The following IQGAP3 variants were observed in gnomAD, a reference collection of about 807,000 sequenced individuals.
IQGAP3 encodes ras GTPase-activating-like protein IQGAP3.
A neutral mutation model predicts 208.2 loss-of-function variants in IQGAP3; 165 were observed. That is an observed-to-expected ratio of 0.79 (90% confidence interval 0.70 to 0.90). The LOEUF (loss-of-function observed/expected upper bound fraction) is 0.90, where lower values mean the gene tolerates loss of function less well. Ranked by LOEUF, IQGAP3 falls within the 40% of genes least tolerant of loss-of-function variation. The pLI, the probability that IQGAP3 is intolerant of heterozygous loss-of-function variation, is 0.00. For synonymous variants in IQGAP3, 703 were observed against 803.6 expected, an observed-to-expected ratio of 0.87 and a Z score of 2.12; for missense variants, 1,811 against 2,043.1, an observed-to-expected ratio of 0.89 and a Z score of 2.19.
intron 22 of IQGAP3, among the ~76,000 whole-genome samples, chr1:156,542,139 T>C (rs1253408923): frequency 1.3e-5 from 2 of 152,206 alleles, no homozygotes; most frequent in Non-Finnish European, 2.9e-5. Flanking sequence ...AGTGACATGA[T>C]CACATGTACA....
intron 36 of IQGAP3, among the ~76,000 whole-genome samples, 189 bp downstream of exon 36, chr1:156,528,320 A>G (rs1674206548): frequency 6.6e-6 from 1 of 152,066 alleles, no homozygotes; most frequent in Non-Finnish European, 1.5e-5. Flanking sequence ...GGGCATCTAG[A>G]ACTGTGCTAG....
chr1:156,558,509 G>GC lies in IQGAP3; in HGVS notation c.1130-1817dup, dbSNP rs1371450384. Among the ~76,000 whole-genome samples, 3 of 6,472 alleles carry GC rather than the reference G, an allele frequency of 4.6e-4. 1 individual carries two copies. Among genetic ancestry groups the GC allele is most frequent in the African/African-American group, 5.1e-4 (3 of 5,870 alleles). The allele number at this position is 6,472 out of a possible 152,430, so 4.2% of individuals were successfully genotyped here. On this transcript the variant is annotated intron_variant, in intron 11 of 37. Transcript: ENST00000361170. ...GTCCGGGAGGGTGGTGGGGGGGTCA[G>GC]CCCCCCGCCCGGCCAGCCGCCCCAC... is the stretch of plus-strand genomic sequence containing the variant.
At chr1:156,569,910 C>T (rs1300597743) in intron 1 of IQGAP3, among the ~76,000 whole-genome samples, 1 of 152,164 alleles carries the variant, frequency 6.6e-6, no homozygotes, top group Non-Finnish European at 1.5e-5. Context: ...TCCCAGGATA[C>T]CCTTTAATAG....
intron 11 of IQGAP3, among the ~76,000 whole-genome samples, chr1:156,558,991 G>A (rs1249281056): frequency 5.9e-4 from 1 of 1,690 alleles, no homozygotes; most frequent in African/African-American, 6.2e-4. Flanking sequence ...ACTGCGGAAG[G>A]CCGCAGGGTC....
intron 15 of IQGAP3, 38 bp downstream of exon 15, chr1:156,551,667 C>T: frequency 6.3e-7 from 1 of 1,579,946 alleles, no homozygotes; most frequent in Non-Finnish European, 8.6e-7. Context: ...GAATGTTCTT[C>T]CTGCTCTGAT....
In IQGAP3 at chr1:156,533,090, T is replaced by C; in HGVS notation, c.3993A>G (p.Ala1331=). The C allele has an allele frequency of 6.2e-7, 1 of 1,614,042 alleles. No individual in the cohort carries two copies. Among genetic ancestry groups the C allele is most frequent in the Non-Finnish European group, 8.5e-7 (1 of 1,179,942 alleles). Residue 1331 remains alanine, a synonymous_variant, in exon 32 of 38, where the codon GCA becomes GCG. Transcript: ENST00000361170. Reference sequence around the variant, plus strand: ...GCTTGCTCAGGTCCGTGTGCCCATCTGCAGCGATGCTCTCACCTGAGGTGT... The same window carrying C: ...GCTTGCTCAGGTCCGTGTGCCCATCCGCAGCGATGCTCTCACCTGAGGTGT... The part of the protein sequence containing the change: ...IPDLIGESIA[A]DGHTDLSKLE...
At chr1:156,563,530 G>C (rs1438832216) in intron 7 of IQGAP3, 23 bp downstream of exon 7, 2 of 1,588,774 alleles carry the variant, frequency 1.3e-6, no homozygotes, top group Non-Finnish European at 1.7e-6. Flanking sequence ...CCTACTCCTG[G>C]CAGGGCAGAG....
intron 15 of IQGAP3, among the ~76,000 whole-genome samples, chr1:156,550,881 T>C (rs868283418): frequency 1.2e-4 from 19 of 152,306 alleles, no homozygotes; most frequent in Middle Eastern, 3.4e-3. Flanking sequence ...AGTAAGCCTA[T>C]GCCTGCCACA....
chr1:156,560,425 CATTTGAACCCAGGA>C (rs1676096704), intron 11 of IQGAP3, among the ~76,000 whole-genome samples: 1 of 152,150 alleles, frequency 6.6e-6, no homozygotes, highest in South Asian at 2.1e-4. Context: ...GCAAGAGAAT[CATTTGAACCCAGGA>C]GGTGGAGGTT....
chr1:156,553,961 C>A (rs1675692716), intron 13 of IQGAP3, among the ~76,000 whole-genome samples: 1 of 152,242 alleles, frequency 6.6e-6, no homozygotes, highest in South Asian at 2.1e-4. Flanking sequence ...TTGTTCACTG[C>A]TGTTTCCCAG....
rs376578286 is a variant in IQGAP3, at chr1:156,566,484, C to T, written c.188G>A (p.Arg63Gln). ...TAGCTTGGCCAGCAGCACTCCATTC[C>T]GAAGGCTCTCCTCCAGCTCCACCGG... is the stretch of plus-strand genomic sequence containing the variant. ...PSPVELEESL[R>Q]NGVLLAKLGH... Residue 63 changes from arginine (R) to glutamine (Q), a missense_variant, in exon 3 of 38, where the codon CGG (arginine) becomes CAG (glutamine). Transcript: ENST00000361170. 1.0e-4 allele frequency: 164 copies of T among 1,614,026 alleles called. No homozygotes were observed. The highest frequency in any genetic ancestry group is 6.0e-4 in the Admixed American group (36 of 60,000).
At position 156,563,802 on chromosome 1, in the gene IQGAP3, A is replaced by G; in HGVS notation, c.460T>C (p.Leu154=). ...ALSLFLFRLG[L]APQIHDLYGK... ...TATAGATCATGTATCTGAGGGGCCA[A>G]TCCCAGCCGGAAGAGGAAGAGACTA... Residue 154 remains leucine (L), a synonymous_variant, in exon 6 of 38, where the codon TTG becomes CTG. Coordinates refer to ENST00000361170, the MANE Select transcript of IQGAP3 (RefSeq NM_178229.5). 6.2e-7 allele frequency: 1 copy of G among 1,613,994 alleles called. No individual in the cohort carries two copies. The highest frequency in any genetic ancestry group is 8.5e-7 in the Non-Finnish European group (1 of 1,179,956).
At chr1:156,564,396 T>A (rs946807873) in intron 5 of IQGAP3, among the ~76,000 whole-genome samples, 2 of 152,176 alleles carry the variant, frequency 1.3e-5, no homozygotes, top group Non-Finnish European at 2.9e-5. Context: ...TCTGGTACCC[T>A]GCCTGCCCTT....
intron 10 of IQGAP3, 43 bp from the exon 11 acceptor site, chr1:156,561,064 G>A (rs1676128430): frequency 7.0e-7 from 1 of 1,424,926 alleles, no homozygotes; most frequent in Admixed American, 1.7e-5. Context: ...TCCTTCCGGG[G>A]CCATGACCAT....
At chr1:156,542,856 G>A (rs1444959039) in intron 22 of IQGAP3, among the ~76,000 whole-genome samples, 1 of 152,094 alleles carries the variant, frequency 6.6e-6, no homozygotes, top group Non-Finnish European at 1.5e-5. Flanking sequence ...TGGGAGGATC[G>A]CTTGAGCCTG....
chr1:156,535,053 T>C, intron 28 of IQGAP3, 110 bp downstream of exon 28: 1 of 871,062 alleles, frequency 1.1e-6, no homozygotes, highest in South Asian at 1.5e-5. Context: ...TTTCCCTCCT[T>C]GGATTTTTAT....
chr1:156,564,978 C>T (rs1056283779), intron 4 of IQGAP3, among the ~76,000 whole-genome samples: 10 of 152,110 alleles, frequency 6.6e-5, no homozygotes, highest in Non-Finnish European at 1.2e-4. Flanking sequence ...GGATATAAGC[C>T]ATATCCTCCA....
Position 156,534,725 on chromosome 1 carries a change from C to G in IQGAP3, c.3516G>C (p.Gly1172=). ...ATDSEVYKVV[G]NLLYYRFLNP... is the part of the protein sequence containing the mutation. ...TCAGGAAGCGGTAGTACAGGAGGTT[C>G]CCGACCACCTGAGGGCAAAGGAGAC... The change falls in exon 29 of 38, where the codon GGG becomes GGC. Residue 1172 remains glycine (G), a synonymous_variant. Coordinates refer to ENST00000361170, the MANE Select transcript of IQGAP3 (RefSeq NM_178229.5). The G allele has an allele frequency of 6.4e-7, 1 of 1,563,248 alleles. No individual in the cohort carries two copies. The highest frequency in any genetic ancestry group is 2.2e-4 in the Middle Eastern group (1 of 4,592).
intron 11 of IQGAP3, among the ~76,000 whole-genome samples, chr1:156,560,284 G>C (rs1024145673): frequency 2.0e-5 from 3 of 152,132 alleles, no homozygotes; most frequent in Non-Finnish European, 4.4e-5. Context: ...GGCCAAGGTA[G>C]GCAGATCACT....
Sources: gnomAD v4.1 joint callset for allele counts (sites outside exome capture counted in the v4.1 genomes callset) on GRCh38, gnomAD v4.1.1 for gene constraint, MANE v1.5 for transcripts, NCBI Gene and HGNC (gene_info 2026-07-23, HGNC 2026-07-21) for gene names.